Variants in DYSF observed in about 807,000 individuals in gnomAD.
DYSF encodes the protein dystrophy-associated fer-1-like 1.
In DYSF, 212 loss-of-function variants were observed where a neutral mutation model predicts 274.9. That is an observed-to-expected ratio of 0.77 (90% CI 0.69 to 0.86). The LOEUF is 0.86. Ranked by LOEUF, DYSF falls within the 40% of genes least tolerant of loss-of-function variation. The probability of loss-of-function intolerance (pLI) is 0.00; values close to 1 mark genes in which losing one functional copy is unlikely to be tolerated. For synonymous variants in DYSF, 1,091 were observed against 1,078.7 expected, an observed-to-expected ratio of 1.01 and a Z score of -0.22; for missense variants, 2,666 against 2,783.2, an observed-to-expected ratio of 0.96 and a Z score of 0.95.
chr2:71,492,776 C>G (rs976434905), intron 3 of DYSF, among the ~76,000 whole-genome samples: 26 of 138,456 alleles, frequency 1.9e-4, no homozygotes, highest in African/African-American at 6.8e-4. Context: ...GAAGGTAAGT[C>G]ATATTCATCA....
intron 33 of DYSF, among the ~76,000 whole-genome samples, chr2:71,599,011 C>T (rs2093476384): frequency 6.6e-6 from 1 of 152,256 alleles, no homozygotes; most frequent in South Asian, 2.1e-4. Flanking sequence ...TTCTCTGCCT[C>T]TGCCTCGCCT....
chr2:71,569,811 C>T lies in DYSF; in HGVS notation c.2865-9C>T. On this transcript the variant is annotated splice_polypyrimidine_tract_variant and intron_variant, in intron 26 of 55. Coordinates refer to ENST00000410020, the MANE Select transcript of DYSF (RefSeq NM_001130987.2). The stretch of plus-strand genomic sequence containing the variant: ...AGCAGCAGAGACTCTGACCAGCCCT[C>T]CTCCACAGTCTGCTCCATGACATGG... 2.5e-6 allele frequency: 4 copies of T among 1,612,072 alleles called. No individual in the cohort carries two copies. The highest frequency in any genetic ancestry group is 3.4e-6 in the Non-Finnish European group (4 of 1,178,674).
intron 3 of DYSF, among the ~76,000 whole-genome samples, chr2:71,499,764 C>A (rs1389730407): frequency 6.6e-6 from 1 of 152,232 alleles, no homozygotes; most frequent in Non-Finnish European, 1.5e-5. Context: ...TTCTCCACCC[C>A]CCACATTCCA....
intron 54 of DYSF, among the ~76,000 whole-genome samples, chr2:71,681,814 TAG>T (rs1182644387): frequency 6.6e-6 from 1 of 152,210 alleles, no homozygotes; most frequent in Non-Finnish European, 1.5e-5. Context: ...GGATTTAGCA[TAG>T]ATGGCTCAGT....
At chr2:71,539,803 T>C (rs1263344457) in intron 17 of DYSF, among the ~76,000 whole-genome samples, 1 of 152,216 alleles carries the variant, frequency 6.6e-6, no homozygotes, top group African/African-American at 2.4e-5. Flanking sequence ...ATATATACAT[T>C]AGAACAAATT....
rs992052054 is a variant in DYSF, at chr2:71,668,165, C to T, written c.5458-589C>T. On this transcript the variant is annotated intron_variant, in intron 48 of 55. Coordinates refer to ENST00000410020, the MANE Select transcript of DYSF (RefSeq NM_001130987.2). ...GGATGCCTTTGTGAATGCCAGAGGA[C>T]ATTACCTCTGTTGTTTGGAACTGAG... 3.3e-5 allele frequency among the ~76,000 whole-genome samples: 5 copies of T among 152,268 alleles called. 1 individual carries two copies. The South Asian group carries it at 8.3e-4, about 25-fold the overall frequency.
At chr2:71,680,018 A>G (rs901701550) in intron 53 of DYSF, among the ~76,000 whole-genome samples, 2 of 152,202 alleles carry the variant, frequency 1.3e-5, no homozygotes, top group African/African-American at 2.4e-5. Context: ...AACCCGTATT[A>G]TGTACTGTGT....
Position 71,669,413 on chromosome 2 carries a change from C to G in DYSF, c.5643-192C>G, listed in dbSNP as rs1393887562. Among the ~76,000 whole-genome samples the G allele has an allele frequency of 2.6e-5, 4 of 152,192 alleles. No homozygotes were observed. In the East Asian group the frequency reaches 5.8e-4, roughly 22 times the overall value. On this transcript the variant is annotated intron_variant, in intron 50 of 55. Transcript: ENST00000410020. ...TGCACTGAACTTTGGGTTGAACTTACAAGTTTAGTGGCTGGGAAGTTAGAA... is the reference window on the plus strand; with the variant it reads ...TGCACTGAACTTTGGGTTGAACTTAGAAGTTTAGTGGCTGGGAAGTTAGAA...
chr2:71,604,218 C>T lies in DYSF; in HGVS notation c.3957+1413C>T, dbSNP rs980520398. On this transcript the variant is annotated intron_variant, in intron 36 of 55. Transcript: ENST00000410020. ...GACCTCCCTCAGTCCCAGGGGATAG[C>T]CCTGGGACCCCTAGCTCAGCCCATG... 3.9e-5 allele frequency among the ~76,000 whole-genome samples: 6 copies of T among 152,244 alleles called. No homozygotes were observed. The East Asian group carries it at 9.7e-4, about 25-fold the overall frequency.
chr2:71,570,342 G>A lies in DYSF; in HGVS notation c.3085+8G>A, dbSNP rs2092345901. On this transcript the variant is annotated splice_region_variant and intron_variant, in intron 28 of 55. Coordinates refer to ENST00000410020, the MANE Select transcript of DYSF (RefSeq NM_001130987.2). Reference sequence around the variant, plus strand: ...GGGCTGTCGATGAGCAAGGTGGGCAGCATGTGGAACCTGGCGAGCCCCATC... The same window carrying A: ...GGGCTGTCGATGAGCAAGGTGGGCAACATGTGGAACCTGGCGAGCCCCATC... 1 of 1,613,508 alleles carries A rather than the reference G, an allele frequency of 6.2e-7. No homozygotes were observed. The highest frequency in any genetic ancestry group is 1.3e-5 in the African/African-American group (1 of 75,028).
intron 40 of DYSF, among the ~76,000 whole-genome samples, chr2:71,614,783 T>C (rs1044265388): frequency 3.3e-5 from 5 of 152,170 alleles, no homozygotes; most frequent in African/African-American, 1.2e-4. Flanking sequence ...CATGGGTTGA[T>C]GGATGGATGG....
At position 71,591,797 on chromosome 2, in the gene DYSF, C is replaced by G. The variant is rs148626613; in HGVS notation, c.3574+1509C>G. On this transcript the variant is annotated intron_variant, in intron 32 of 55. Transcript: ENST00000410020. Reference sequence around the variant, plus strand: ...TCTCCTCCGCGATGTGGGGTCCAGTCTGTGTCCTTCTCTCCAGCAGCTGTG... The same window carrying G: ...TCTCCTCCGCGATGTGGGGTCCAGTGTGTGTCCTTCTCTCCAGCAGCTGTG... Among the ~76,000 whole-genome samples, 999 of 152,352 alleles carry G rather than the reference C, an allele frequency of 6.6e-3. 10 individuals are homozygous for G. Among genetic ancestry groups the G allele is most frequent in the African/African-American group, 0.023 (954 of 41,586 alleles).
At chr2:71,519,616 A>T (rs1286442312) in intron 10 of DYSF, among the ~76,000 whole-genome samples, 2 of 152,106 alleles carry the variant, frequency 1.3e-5, no homozygotes, top group Non-Finnish European at 2.9e-5. Context: ...CCATGCAGGG[A>T]TAACATAGTC....
chr2:71,531,749 C>T (rs2088737918), intron 14 of DYSF, among the ~76,000 whole-genome samples: 1 of 151,958 alleles, frequency 6.6e-6, no homozygotes, highest in East Asian at 1.9e-4. Context: ...CTCAGAAAGG[C>T]TGTGATGTGT....
In DYSF at chr2:71,549,414, A is replaced by G. The variant is rs188222201; in HGVS notation, c.1577-1627A>G. 1.8e-3 allele frequency: 2,945 copies of G among 1,609,362 alleles called. 2 individuals are homozygous for G. Among genetic ancestry groups the G allele is most frequent in the Non-Finnish European group, 2.1e-3 (2,528 of 1,177,162 alleles). On this transcript the variant is annotated intron_variant, in intron 17 of 55. Transcript: ENST00000410020. ...ACTGTACGTTGCTGTCACCTTGGGG[A>G]CAACCAGGGGAGTGGGGCCTTGGGT...
chr2:71,627,744 C>T (rs2094233464), intron 41 of DYSF, among the ~76,000 whole-genome samples: 1 of 152,090 alleles, frequency 6.6e-6, no homozygotes, highest in South Asian at 2.1e-4. Flanking sequence ...TTGATGCTCT[C>T]TATATTTTTT....
intron 12 of DYSF, 92 bp from the exon 13 acceptor site, chr2:71,526,128 A>C (rs1305524923): frequency 3.7e-6 from 6 of 1,610,966 alleles, no homozygotes; most frequent in Non-Finnish European, 4.2e-6. Context: ...AGAATGCAGC[A>C]TTTATGTGGC....
rs536039600 is a variant in DYSF at position 71,479,118 on chromosome 2, C to A, written c.92-1765C>A. On this transcript the variant is annotated intron_variant, in intron 1 of 55. Coordinates refer to ENST00000410020, the MANE Select transcript of DYSF (RefSeq NM_001130987.2). ...CCAGGTGGAGACCAAAGGCTTTCCA[C>A]TGAGTCTTGCACAGGTTGGGTGGAA... Among the ~76,000 whole-genome samples, 6 of 142,116 alleles carry A rather than the reference C, an allele frequency of 4.2e-5. No homozygotes were observed. The East Asian group carries it at 1.2e-3, about 29-fold the overall frequency. 93.2% of individuals were successfully genotyped at this position (142,116 alleles called of 152,430 possible).
intron 26 of DYSF, among the ~76,000 whole-genome samples, chr2:71,569,271 G>A (rs773659511): frequency 1.3e-5 from 2 of 152,138 alleles, no homozygotes; most frequent in Non-Finnish European, 2.9e-5. Context: ...TCCTCTGCAC[G>A]TGAACCCTTC....
Sources: allele counts gnomAD v4.1 joint callset (sites outside exome capture counted in the v4.1 genomes callset), GRCh38; gene constraint gnomAD v4.1.1; transcripts MANE v1.5; gene names NCBI Gene and HGNC (gene_info 2026-07-23, HGNC 2026-07-21).